The following FGD6 variants were observed in gnomAD, a reference collection of about 807,000 sequenced individuals.
FGD6 encodes the protein FYVE, RhoGEF and PH domain containing 6.
FGD6 carries 90 observed loss-of-function variants against 149.4 expected under a neutral mutation model. The observed-to-expected ratio is 0.60, with a 90% CI of 0.51 to 0.72. The LOEUF (loss-of-function observed/expected upper bound fraction) is 0.72. Ranked by LOEUF, FGD6 falls within the 30% of genes least tolerant of loss-of-function variation. The probability of loss-of-function intolerance (pLI) is 0.00; values close to 1 mark genes in which losing one functional copy is unlikely to be tolerated. For synonymous variants in FGD6, 527 were observed against 584.0 expected (o/e 0.90, Z 1.41); for missense variants, 1,437 against 1,684.8 (o/e 0.85, Z 2.57).
In FGD6 at chr12:95,091,687, A is replaced by G; in HGVS notation, c.3850+20T>C. ...TGGGGAATAAAGGAATTTTTGGTTA[A>G]ATCCTTACTTATATATTACCTAATT... On this transcript the variant is annotated intron_variant, in intron 17 of 20. Coordinates refer to ENST00000343958, the MANE Select transcript of FGD6 (RefSeq NM_018351.4). The G allele has an allele frequency of 3.8e-6, 6 of 1,591,272 alleles. No individual in the cohort carries two copies. Among genetic ancestry groups the G allele is most frequent in the Non-Finnish European group, 5.1e-6 (6 of 1,165,222 alleles).
chr12:95,148,408 G>C (rs1880076326), intron 5 of FGD6, among the ~76,000 whole-genome samples: 1 of 148,234 alleles, frequency 6.7e-6, no homozygotes, highest in Non-Finnish European at 1.5e-5. Flanking sequence ...TCCACCTAAA[G>C]AAATTAGTGA....
chr12:95,115,563 T>C (rs545550723), intron 8 of FGD6, among the ~76,000 whole-genome samples: 3 of 152,192 alleles, frequency 2.0e-5, no homozygotes, highest in East Asian at 3.9e-4. Context: ...TTAGATAGGA[T>C]TGTATTTTAG....
In FGD6 at chr12:95,211,286, T is replaced by C; in HGVS notation, c.17-19A>G. On this transcript the variant is annotated intron_variant, in intron 1 of 20. Transcript: ENST00000343958. The stretch of plus-strand genomic sequence containing the variant: ...TTTATCTCTAGAAAGGAAAAAATAA[T>C]AATTTGATGTCAAAACAACCAAAGC... 6.6e-7 allele frequency: 1 copy of C among 1,525,740 alleles called. No individual in the cohort carries two copies. The highest frequency in any genetic ancestry group is 1.4e-5 in the African/African-American group (1 of 72,002). 94.5% of individuals were successfully genotyped at this position (1,525,740 alleles called of 1,614,324 possible).
chr12:95,168,490 TC>T (rs1161113482), intron 3 of FGD6, among the ~76,000 whole-genome samples: 1 of 151,960 alleles, frequency 6.6e-6, no homozygotes, highest in Non-Finnish European at 1.5e-5. Context: ...ATGGAGAAAC[TC>T]CGTCTCTACT....
chr12:95,133,821 A>G (rs990876073), intron 8 of FGD6, among the ~76,000 whole-genome samples: 20 of 152,302 alleles, frequency 1.3e-4, no homozygotes, highest in Middle Eastern at 6.8e-3. Flanking sequence ...ATGCCAAACC[A>G]CTTAATTTCA....
At chr12:95,117,933 C>A (rs1311081969) in intron 8 of FGD6, among the ~76,000 whole-genome samples, 1 of 152,102 alleles carries the variant, frequency 6.6e-6, no homozygotes, top group Non-Finnish European at 1.5e-5. Flanking sequence ...CCCAGCTACT[C>A]AGGAGGCTGA....
intron 2 of FGD6, among the ~76,000 whole-genome samples, chr12:95,175,816 A>T (rs7131711): frequency 7.3e-6 from 1 of 137,532 alleles, no homozygotes; most frequent in Non-Finnish European, 1.6e-5. Flanking sequence ...AAAAAAAAAA[A>T]AAAGAAAAAA....
At position 95,080,737 on chromosome 12, in the gene FGD6, G is replaced by A. The variant is rs1877647351; in HGVS notation, c.*783C>T. 1 of 152,112 alleles carries A rather than the reference G, an allele frequency of 6.6e-6. No individual in the cohort carries two copies. The highest frequency in any genetic ancestry group is 1.5e-5 in the Non-Finnish European group (1 of 68,008). The allele number at this position is 152,112 out of a possible 1,614,324, so 9.4% of individuals were successfully genotyped here. ...GCTATATTTTGCTATTTTAAAAAATGATACATTTATGTTTGTTTCGAAGTG... is the reference window on the plus strand; with the variant it reads ...GCTATATTTTGCTATTTTAAAAAATAATACATTTATGTTTGTTTCGAAGTG... On this transcript the variant is annotated 3_prime_UTR_variant, in exon 21 of 21. Transcript: ENST00000343958.
intron 8 of FGD6, among the ~76,000 whole-genome samples, chr12:95,118,361 AAG>A (rs1555218002): frequency 3.1e-4 from 36 of 116,284 alleles, no homozygotes; most frequent in Non-Finnish European, 5.3e-4. Context: ...AAAAAAAAAA[AAG>A]AAAGAGAGAG....
intron 3 of FGD6, among the ~76,000 whole-genome samples, chr12:95,169,899 T>C (rs1484981950): frequency 1.3e-5 from 2 of 152,042 alleles, no homozygotes; most frequent in Non-Finnish European, 2.9e-5. Flanking sequence ...GGCGGGTGGA[T>C]CACCTGAGGT....
chr12:95,137,480 A>T (rs772224342), intron 7 of FGD6, 42 bp downstream of exon 7: 1 of 1,425,570 alleles, frequency 7.0e-7, no homozygotes, highest in South Asian at 1.7e-5. Flanking sequence ...CTTCAACAAC[A>T]AAAAGAAAGA....
intron 7 of FGD6, among the ~76,000 whole-genome samples, chr12:95,135,804 C>G (rs1160115883): frequency 1.3e-5 from 2 of 152,280 alleles, no homozygotes; most frequent in East Asian, 3.9e-4. Context: ...TATCTTTCAT[C>G]CAAGCATCAT....
At chr12:95,180,029 G>T (rs1881235046) in intron 2 of FGD6, among the ~76,000 whole-genome samples, 2 of 148,990 alleles carry the variant, frequency 1.3e-5, no homozygotes, top group African/African-American at 2.5e-5. Flanking sequence ...GGTCAGCTGA[G>T]ATCCTGCCAT....
At position 95,137,590 on chromosome 12, in the gene FGD6, T is replaced by C. The variant is rs768158806; in HGVS notation, c.2926A>G (p.Asn976Asp). ...YSTYIKEFDK[N>D]IALLDEQCKK... ...CACTGTTCATCCAGCAAGGCTATAT[T>C]CTTATCAAATTCTTTGATGTATGTG... Residue 976 changes from asparagine (N) to aspartate (D), a missense_variant, in exon 7 of 21, where the codon AAT becomes GAT. Around this residue, in one of 2 missense-constraint regions of FGD6, gnomAD observed 382 missense variants for 538.7 expected, o/e 0.71. Coordinates refer to ENST00000343958, the MANE Select transcript of FGD6 (RefSeq NM_018351.4). 9 of 1,611,634 alleles carry C rather than the reference T, an allele frequency of 5.6e-6. No homozygotes were observed. Among genetic ancestry groups the C allele is most frequent in the Non-Finnish European group, 7.6e-6 (9 of 1,179,264 alleles).
chr12:95,090,924 C>T (rs865803821), intron 17 of FGD6, among the ~76,000 whole-genome samples: 4 of 151,934 alleles, frequency 2.6e-5, no homozygotes, highest in African/African-American at 7.3e-5. Flanking sequence ...ATGGTGAGAC[C>T]GCCCCGCGTC....
chr12:95,191,952 G>T (rs917986137), intron 2 of FGD6, among the ~76,000 whole-genome samples: 1 of 152,022 alleles, frequency 6.6e-6, no homozygotes, highest in South Asian at 2.1e-4. Context: ...TGGCCAGGCT[G>T]GTCTCGAACT....
chr12:95,125,791 G>A, intron 8 of FGD6: 4 of 763,714 alleles, frequency 5.2e-6, no homozygotes, highest in Non-Finnish European at 7.1e-6. Context: ...GAGGTTGGCT[G>A]GGCAACCTAC....
intron 3 of FGD6, among the ~76,000 whole-genome samples, chr12:95,161,190 A>G (rs932490137): frequency 3.3e-5 from 5 of 151,458 alleles, no homozygotes; most frequent in South Asian, 2.1e-4. Flanking sequence ...AAAAACAAAA[A>G]CAAAAACAAA....
intron 17 of FGD6, among the ~76,000 whole-genome samples, chr12:95,091,278 A>G (rs765074447): frequency 1.3e-5 from 2 of 152,222 alleles, no homozygotes; most frequent in African/African-American, 2.4e-5. Flanking sequence ...CTGCACATTC[A>G]GATGTACATT....
Sources: allele counts gnomAD v4.1 joint callset (sites outside exome capture counted in the v4.1 genomes callset), GRCh38; gene constraint gnomAD v4.1.1; regional missense constraint gnomAD v4.1.1; transcripts MANE v1.5; gene names NCBI Gene and HGNC (gene_info 2026-07-23, HGNC 2026-07-21).